The following LIFR variants were observed in gnomAD, a reference collection of about 807,000 sequenced individuals.
LIFR encodes LIF receptor subunit alpha, also known as leukemia inhibitory factor receptor.
Under a neutral mutation model 122.2 loss-of-function variants are expected in LIFR, and 84 were observed. The observed-to-expected ratio is 0.69, with a 90% CI of 0.58 to 0.82. The LOEUF is 0.82. LIFR is among the 40% of genes least tolerant of loss of function. The pLI, the probability that LIFR is intolerant of heterozygous loss-of-function variation, is 0.00. For missense variants in LIFR, 1,294 were observed against 1,311.6 expected (o/e 0.99, Z 0.21); for synonymous variants, 422 against 434.7 (o/e 0.97, Z 0.36).
intron 1 of LIFR, among the ~76,000 whole-genome samples, chr5:38,578,968 C>A (rs1211146790): frequency 6.6e-6 from 1 of 152,142 alleles, no homozygotes; most frequent in Non-Finnish European, 1.5e-5. Flanking sequence ...TTTAGACAAT[C>A]AATACAGAAT....
chr5:38,486,879 T>C (rs1219768842), intron 16 of LIFR, among the ~76,000 whole-genome samples: 1 of 152,244 alleles, frequency 6.6e-6, no homozygotes, highest in Non-Finnish European at 1.5e-5. Context: ...TGGATTACTA[T>C]GATTATATAA....
At position 38,481,359 on chromosome 5, in the gene LIFR, G is replaced by T; in HGVS notation, c.*236C>A. ...AGAGTACATGAGAATTCTTTGGCTT[G>T]ATCACAAAGAGCTCCCAATCTTGAG... On this transcript the variant is annotated 3_prime_UTR_variant, in exon 20 of 20. Coordinates refer to ENST00000453190, the MANE Select transcript of LIFR (RefSeq NM_001127671.2). 1 of 570,996 alleles carries T rather than the reference G, an allele frequency of 1.8e-6. No homozygotes were observed. The highest frequency in any genetic ancestry group is 3.1e-6 in the Non-Finnish European group (1 of 319,700). 35.4% of individuals were successfully genotyped at this position (570,996 alleles called of 1,614,324 possible).
At chr5:38,490,430 A>AT in intron 14 of LIFR, 139 bp from the exon 15 acceptor site, 1 of 447,204 alleles carries the variant, frequency 2.2e-6, no homozygotes, top group East Asian at 3.6e-5. Flanking sequence ...ATACATATAT[A>AT]TTTTAAAGAC....
chr5:38,533,836 G>A (rs545213760), intron 1 of LIFR, among the ~76,000 whole-genome samples: 1 of 152,258 alleles, frequency 6.6e-6, no homozygotes, highest in Non-Finnish European at 1.5e-5. Flanking sequence ...GGAGGCCTCA[G>A]GCAACACCTG....
At position 38,527,067 on chromosome 5, in the gene LIFR, C is replaced by A. The variant is rs183967750; in HGVS notation, c.397+88G>T. Reference sequence around the variant, plus strand: ...GTGAATTAAAAGTAATAGCATAACACATGAAATTCAAAAAACTAGAAAGCA... The same window carrying A: ...GTGAATTAAAAGTAATAGCATAACAAATGAAATTCAAAAAACTAGAAAGCA... On this transcript the variant is annotated intron_variant, in intron 4 of 19. Transcript: ENST00000453190. 120 of 1,182,972 alleles carry A rather than the reference C, an allele frequency of 1.0e-4. 1 individual carries two copies. In the East Asian group the frequency reaches 3.0e-3, roughly 30 times the overall value. 73.3% of individuals were successfully genotyped at this position (1,182,972 alleles called of 1,614,324 possible). A position where few individuals can be genotyped will look rare whatever the true frequency, so the allele number is the denominator to read the frequency against.
At chr5:38,561,641 A>G (rs1389232883), upstream of LIFR, among the ~76,000 whole-genome samples, 1 of 152,214 alleles carries the variant, frequency 6.6e-6, no homozygotes, top group Non-Finnish European at 1.5e-5. Context: ...CAAAGTAAGC[A>G]ATAAATATTT....
chr5:38,560,677 A>C (rs911252530), upstream of LIFR, among the ~76,000 whole-genome samples: 2 of 151,136 alleles, frequency 1.3e-5, no homozygotes, highest in Non-Finnish European at 2.9e-5. Context: ...GCTCACTGCA[A>C]CCTCCGCCTC....
At chr5:38,578,808 CA>C (rs1749482926) in intron 1 of LIFR, among the ~76,000 whole-genome samples, 1 of 152,134 alleles carries the variant, frequency 6.6e-6, no homozygotes, top group African/African-American at 2.4e-5. Context: ...CTGCCTGCCT[CA>C]GCCTCCCAAA....
chr5:38,532,550 C>G (rs1380807573), intron 1 of LIFR, among the ~76,000 whole-genome samples: 1 of 152,108 alleles, frequency 6.6e-6, no homozygotes, highest in Non-Finnish European at 1.5e-5. Flanking sequence ...GGTCAGTAAG[C>G]AGGAGGAAGG....
At position 38,529,501 on chromosome 5, in the gene LIFR, T is replaced by C. The variant is rs151262975; in HGVS notation, c.143-661A>G. Among the ~76,000 whole-genome samples, 462 of 152,186 alleles carry C rather than the reference T, an allele frequency of 3.0e-3. 6 individuals are homozygous for C. The highest frequency in any genetic ancestry group is 0.011 in the African/African-American group (444 of 41,532). On this transcript the variant is annotated intron_variant, in intron 2 of 19. Transcript: ENST00000453190. ...ATATTTTTGGTGTGGGCCTAAACAA[T>C]TGAAAGTAACAATTCAGAAGATTAC... is the stretch of plus-strand genomic sequence containing the variant.
chr5:38,484,757 T>C lies in LIFR; in HGVS notation c.2591+18A>G, dbSNP rs1441934588. On this transcript the variant is annotated intron_variant, in intron 18 of 19. Transcript: ENST00000453190. The stretch of plus-strand genomic sequence containing the variant: ...GCCTTTAAGAAGAAAACAGCAAGAG[T>C]AAATGCAGAACTATTACCATTCTCG... The C allele has an allele frequency of 2.0e-6, 3 of 1,530,600 alleles. No individual in the cohort carries two copies. Among genetic ancestry groups the C allele is most frequent in the Non-Finnish European group, 2.7e-6 (3 of 1,104,344 alleles). 94.8% of individuals were successfully genotyped at this position (1,530,600 alleles called of 1,614,324 possible).
chr5:38,556,244 C>G (rs1389556515), intron 1 of LIFR, 90 bp downstream of exon 1: 1 of 152,050 alleles, frequency 6.6e-6, no homozygotes, highest in Admixed American at 6.5e-5. Flanking sequence ...GGAGCGCTGC[C>G]CCACCCCGCC....
chr5:38,520,818 C>T (rs938136669), intron 5 of LIFR, among the ~76,000 whole-genome samples: 1 of 152,138 alleles, frequency 6.6e-6, no homozygotes, highest in African/African-American at 2.4e-5. Flanking sequence ...AAGTAACATG[C>T]TGTTTTGATT....
chr5:38,593,226 A>AAAAC (rs779326882), intron 1 of LIFR, among the ~76,000 whole-genome samples: 1 of 152,106 alleles, frequency 6.6e-6, no homozygotes, highest in Admixed American at 6.5e-5. Context: ...AAAACAAAAC[A>AAAAC]AAACAAACAA....
intron 1 of LIFR, among the ~76,000 whole-genome samples, chr5:38,551,834 G>A (rs1395887011): frequency 6.6e-6 from 1 of 152,186 alleles, no homozygotes; most frequent in Non-Finnish European, 1.5e-5. Context: ...ACATATCTTT[G>A]CTCACCTGAG....
intron 1 of LIFR, among the ~76,000 whole-genome samples, chr5:38,540,394 T>C (rs992272112): frequency 1.3e-5 from 2 of 152,204 alleles, no homozygotes; most frequent in African/African-American, 4.8e-5. Context: ...TACCAAGCAC[T>C]TCCACTAATC....
At position 38,478,162 on chromosome 5, in the gene LIFR, T is replaced by C. The variant is rs1743810439; in HGVS notation, c.*3433A>G. The C allele has an allele frequency of 9.6e-6, 2 of 209,318 alleles. No homozygotes were observed. The highest frequency in any genetic ancestry group is 2.3e-5 in the African/African-American group (1 of 44,044). The allele number at this position is 209,318 out of a possible 1,614,324, so 13.0% of individuals were successfully genotyped here. Reference sequence around the variant, plus strand: ...AAGGACTTGCAATGTTTGTTAAATATGGACGGCATGAAGACAATTAAGAAA... The same window carrying C: ...AAGGACTTGCAATGTTTGTTAAATACGGACGGCATGAAGACAATTAAGAAA... On this transcript the variant is annotated 3_prime_UTR_variant, in exon 20 of 20. Transcript: ENST00000453190.
At chr5:38,540,216 TG>T (rs1747515566) in intron 1 of LIFR, among the ~76,000 whole-genome samples, 1 of 152,036 alleles carries the variant, frequency 6.6e-6, no homozygotes, top group African/African-American at 2.4e-5. Flanking sequence ...ACCCAGCACC[TG>T]CTTTCCCTAC....
At chr5:38,560,502 A>G (rs1359850315), upstream of LIFR, among the ~76,000 whole-genome samples, 1 of 152,132 alleles carries the variant, frequency 6.6e-6, no homozygotes, top group East Asian at 1.9e-4. Flanking sequence ...TTTAGATGCA[A>G]TGATTTCAGG....
Sources: allele counts gnomAD v4.1 joint callset (sites outside exome capture counted in the v4.1 genomes callset), GRCh38; gene constraint gnomAD v4.1.1; transcripts MANE v1.5; gene names NCBI Gene and HGNC (gene_info 2026-07-23, HGNC 2026-07-21).